Variants in VWA3B observed in about 807,000 individuals in gnomAD.
VWA3B encodes von Willebrand factor A domain-containing protein 3B.
A neutral mutation model predicts 158.3 loss-of-function variants in VWA3B; 138 were observed. The ratio of observed to expected loss-of-function variants is 0.87; its 90% CI spans 0.76 to 1.00. The LOEUF is 1.00. Among genes scored for constraint, VWA3B ranks in the 50% least tolerant of loss-of-function variants. VWA3B has a pLI of 0.00. For synonymous variants in VWA3B, 596 were observed against 587.3 expected (o/e 1.01, Z -0.21); for missense variants, 1,555 against 1,565.1 (o/e 0.99, Z 0.11).
At chr2:98,129,368 G>C (rs1675673319) in intron 6 of VWA3B, among the ~76,000 whole-genome samples, 1 of 151,970 alleles carries the variant, frequency 6.6e-6, no homozygotes, top group Admixed American at 6.6e-5. Flanking sequence ...GAGAGACAGA[G>C]AGACAGAGAG....
intron 7 of VWA3B, among the ~76,000 whole-genome samples, chr2:98,162,401 T>C (rs373145644): frequency 3.3e-5 from 5 of 152,244 alleles, no homozygotes; most frequent in Non-Finnish European, 5.9e-5. Flanking sequence ...CACTATTACA[T>C]TGGGGGAAAT....
intron 14 of VWA3B, among the ~76,000 whole-genome samples, chr2:98,223,662 G>T (rs1684687629): frequency 6.6e-6 from 1 of 152,152 alleles, no homozygotes; most frequent in Admixed American, 6.5e-5. Flanking sequence ...GGGGAAAATG[G>T]CACGATAGTT....
At chr2:98,272,148 C>T (rs987678341) in intron 22 of VWA3B, among the ~76,000 whole-genome samples, 3 of 152,182 alleles carry the variant, frequency 2.0e-5, no homozygotes, top group Admixed American at 6.5e-5. Context: ...GGGCTCAGTC[C>T]CCAAGACTGG....
chr2:98,181,251 C>G (rs772625448), intron 9 of VWA3B, 39 bp downstream of exon 9: 4 of 1,598,710 alleles, frequency 2.5e-6, no homozygotes, highest in South Asian at 2.2e-5. Flanking sequence ...TGGGGCCTCC[C>G]CTCAAGTCCT....
chr2:98,179,621 C>T (rs1252071920), intron 8 of VWA3B, among the ~76,000 whole-genome samples: 1 of 152,134 alleles, frequency 6.6e-6, no homozygotes, highest in Non-Finnish European at 1.5e-5. Flanking sequence ...AGCATTTTCA[C>T]GTGACCTACC....
intron 25 of VWA3B, among the ~76,000 whole-genome samples, chr2:98,300,538 ATCC>A (rs199517078): frequency 3.3e-5 from 5 of 150,878 alleles, no homozygotes; most frequent in East Asian, 1.9e-4. Flanking sequence ...TCGCGTCCTC[ATCC>A]TCCTCCTCCT....
At chr2:98,167,736 C>G (rs1340706316) in intron 8 of VWA3B, among the ~76,000 whole-genome samples, 1 of 152,124 alleles carries the variant, frequency 6.6e-6, no homozygotes, top group African/African-American at 2.4e-5. Flanking sequence ...TTATCTGAGT[C>G]TGGGGAAAGG....
chr2:98,195,786 C>T (rs1169661333), intron 12 of VWA3B, among the ~76,000 whole-genome samples: 1 of 152,118 alleles, frequency 6.6e-6, no homozygotes, highest in Non-Finnish European at 1.5e-5. Context: ...GCTAAAAACA[C>T]ATATTCCTAT....
At chr2:98,233,740 A>T (rs1033704131) in intron 16 of VWA3B, among the ~76,000 whole-genome samples, 1 of 152,162 alleles carries the variant, frequency 6.6e-6, no homozygotes, top group Non-Finnish European at 1.5e-5. Flanking sequence ...CTTCACTCTA[A>T]CTATCTAATT....
chr2:98,215,964 T>C (rs1344264887), intron 13 of VWA3B, among the ~76,000 whole-genome samples: 1 of 152,206 alleles, frequency 6.6e-6, no homozygotes, highest in East Asian at 1.9e-4. Flanking sequence ...GTAGAAGATA[T>C]GGAGATGTAC....
Position 98,231,374 on chromosome 2 carries a change from G to T in VWA3B, c.2308+1167G>T, listed in dbSNP as rs188885597. Reference sequence around the variant, plus strand: ...AGAAATCACTGTACTGGACATTAAGGCTTACCACATAACCACATTAATCAA... The same window carrying T: ...AGAAATCACTGTACTGGACATTAAGTCTTACCACATAACCACATTAATCAA... On this transcript the variant is annotated intron_variant, in intron 16 of 27. Coordinates refer to ENST00000477737, the MANE Select transcript of VWA3B (RefSeq NM_144992.5). 2.3e-3 allele frequency among the ~76,000 whole-genome samples: 353 copies of T among 152,250 alleles called. 2 individuals carry two copies. The highest frequency in any genetic ancestry group is 8.1e-3 in the African/African-American group (337 of 41,530).
At chr2:98,215,724 G>C (rs1386613622) in intron 13 of VWA3B, among the ~76,000 whole-genome samples, 1 of 151,994 alleles carries the variant, frequency 6.6e-6, no homozygotes, top group Non-Finnish European at 1.5e-5. Context: ...CACCGTGTTA[G>C]CCAGAATGGT....
chr2:98,138,883 C>G (rs1242258298), intron 7 of VWA3B, among the ~76,000 whole-genome samples: 2 of 152,264 alleles, frequency 1.3e-5, no homozygotes, highest in Non-Finnish European at 2.9e-5. Context: ...CCTCCTCTGC[C>G]TGGGCTCCCA....
rs1288832386 is a variant in VWA3B, at chr2:98,190,787, C to G, written c.1467-2111C>G. ...GATGCTTTTTAAAATTTCTCTGTTT[C>G]TAGATTTTATCAATTTTATTGTGAT... On this transcript the variant is annotated intron_variant, in intron 10 of 27. Coordinates refer to ENST00000477737, the MANE Select transcript of VWA3B (RefSeq NM_144992.5). Among the ~76,000 whole-genome samples the G allele has an allele frequency of 2.0e-5, 3 of 152,040 alleles. No homozygotes were observed. In the South Asian group the frequency reaches 6.2e-4, roughly 32 times the overall value.
downstream of VWA3B, among the ~76,000 whole-genome samples, chr2:98,315,647 A>G (rs1212017327): frequency 6.6e-6 from 1 of 152,254 alleles, no homozygotes; most frequent in Non-Finnish European, 1.5e-5. Flanking sequence ...GACACAGTCT[A>G]TTGCCAACTC....
chr2:98,267,866 C>G (rs544810296), intron 21 of VWA3B, among the ~76,000 whole-genome samples: 42 of 152,104 alleles, frequency 2.8e-4, no homozygotes, highest in African/African-American at 1.0e-3. Context: ...ATATCACCAC[C>G]AATCCCACAG....
intron 12 of VWA3B, among the ~76,000 whole-genome samples, chr2:98,205,356 C>T (rs150808181): frequency 8.9e-4 from 135 of 152,288 alleles, no homozygotes; most frequent in Non-Finnish European, 1.6e-3. Context: ...CTGTCAGTGA[C>T]TGCAAGAGAT....
chr2:98,211,601 A>C (rs1356004772), intron 12 of VWA3B, among the ~76,000 whole-genome samples: 1 of 152,214 alleles, frequency 6.6e-6, no homozygotes, highest in African/African-American at 2.4e-5. Flanking sequence ...CTGCATGTTT[A>C]AGCTCTGTTG....
At chr2:98,204,058 A>G (rs62154934) in intron 12 of VWA3B, among the ~76,000 whole-genome samples, 7,211 of 152,326 alleles carry the variant, frequency 0.047, 256 homozygotes, top group Middle Eastern at 0.082. Context: ...ATGTGCAAAT[A>G]CTATGCCATT....
Sources: allele counts gnomAD v4.1 joint callset (sites outside exome capture counted in the v4.1 genomes callset), GRCh38; gene constraint gnomAD v4.1.1; transcripts MANE v1.5; gene names NCBI Gene and HGNC (gene_info 2026-07-23, HGNC 2026-07-21).